PUDP: variants seen among roughly 807,000 people sequenced by gnomAD.
PUDP encodes the protein pseudouridine 5'-phosphatase.
In PUDP, 8 loss-of-function variants were observed where a neutral mutation model predicts 9.4. That is an observed-to-expected ratio of 0.85 (90% confidence interval 0.50 to 1.53). The LOEUF (loss-of-function observed/expected upper bound fraction) is 1.53. Ranked by LOEUF, PUDP falls within the 40% of genes most tolerant of loss-of-function variation. The pLI is 0.00. For synonymous variants in PUDP, 99 were observed against 80.7 expected, an observed-to-expected ratio of 1.23 and a Z score of -1.22; for missense variants, 188 against 189.7, an observed-to-expected ratio of 0.99 and a Z score of 0.05.
rs751332187 is a variant in PUDP at position 7,049,979 on chromosome X, T to C, written c.*317A>G. ...CCAAACTGATACACACATGTATATATGGAGGTGTGTGTGTATATACATGTA... is the reference window on the plus strand; with the variant it reads ...CCAAACTGATACACACATGTATATACGGAGGTGTGTGTGTATATACATGTA... On this transcript the variant is annotated 3_prime_UTR_variant, in exon 4 of 4. Coordinates refer to ENST00000381077, the MANE Select transcript of PUDP (RefSeq NM_012080.5). The C allele has an allele frequency of 4.3e-6, 1 of 232,993 alleles. No homozygotes were observed. The highest frequency in any genetic ancestry group is 7.7e-6 in the Non-Finnish European group (1 of 130,477). 19.2% of individuals were successfully genotyped at this position (232,993 alleles called of 1,213,427 possible).
chrX:6,753,114 T>G (rs987635819), intron 3 of PUDP, among the ~76,000 whole-genome samples: 6 of 111,052 alleles, frequency 5.4e-5, no homozygotes, highest in Non-Finnish European at 9.4e-5. Context: ...GTCTTTCATC[T>G]CTCACACCCT....
intron 3 of PUDP, among the ~76,000 whole-genome samples, chrX:6,808,162 TA>T (rs976735702): frequency 1.3e-4 from 14 of 107,931 alleles, no homozygotes; most frequent in Admixed American, 4.0e-4. Context: ...CTTCTTGTAT[TA>T]AAAAAAAAAT....
At chrX:6,776,119 T>C (rs1038139793) in intron 3 of PUDP, among the ~76,000 whole-genome samples, 2 of 111,810 alleles carry the variant, frequency 1.8e-5, no homozygotes, top group Non-Finnish European at 3.8e-5. Context: ...CACCAGCAAG[T>C]GTGGACAGCA....
Position 6,973,823 on chromosome X carries a change from T to C in PUDP, c.*247+3310A>G, listed in dbSNP as rs1242128044. Among the ~76,000 whole-genome samples, 3 of 111,416 alleles carry C rather than the reference T, an allele frequency of 2.7e-5. No homozygotes were observed. In the East Asian group the frequency reaches 8.5e-4, roughly 31 times the overall value. On this transcript the variant is annotated intron_variant and NMD_transcript_variant, in intron 3 of 3. Transcript: ENST00000655425. ...AGTGGGGTGTTAAAGTCTCCCACTA[T>C]TATTGTGTGGGAGTCTAAGTCTTTG...
At chrX:6,776,156 T>C (rs1925456578) in intron 3 of PUDP, among the ~76,000 whole-genome samples, 1 of 111,339 alleles carries the variant, frequency 9.0e-6, no homozygotes. Flanking sequence ...GACGGCCTTA[T>C]TCACACACTT....
intron 3 of PUDP, among the ~76,000 whole-genome samples, chrX:6,958,909 C>T (rs1928668310): frequency 8.9e-6 from 1 of 111,922 alleles, no homozygotes; most frequent in African/African-American, 3.2e-5. Flanking sequence ...TAAGGCAGAA[C>T]TTAAGACTGA....
At chrX:6,842,844 A>G (rs1926692686) in intron 3 of PUDP, among the ~76,000 whole-genome samples, 1 of 112,233 alleles carries the variant, frequency 8.9e-6, no homozygotes, top group Non-Finnish European at 1.9e-5. Flanking sequence ...TTTTAGTCTC[A>G]TTGGCTTCGG....
chrX:6,802,112 A>T (rs1380886258), intron 3 of PUDP, among the ~76,000 whole-genome samples: 1 of 112,249 alleles, frequency 8.9e-6, no homozygotes, highest in Non-Finnish European at 1.9e-5. Flanking sequence ...AATAGGAATT[A>T]GCCTGTGGTT....
Position 6,973,941 on chromosome X carries a change from C to A in PUDP, c.*247+3192G>T, listed in dbSNP as rs776193332. Among the ~76,000 whole-genome samples, 5 of 111,516 alleles carry A rather than the reference C, an allele frequency of 4.5e-5. 1 individual carries two copies. The East Asian group carries it at 1.4e-3, about 31-fold the overall frequency. ...GTTAGCTCTTCTTGTTGAATTGATC[C>A]CTTTATCATTATGTAATGCCCTTCT... On this transcript the variant is annotated intron_variant and NMD_transcript_variant, in intron 3 of 3. Coordinates refer to the PUDP transcript ENST00000655425.
At chrX:7,018,250 T>C (rs1295669311) in intron 1 of PUDP, among the ~76,000 whole-genome samples, 3 of 111,981 alleles carry the variant, frequency 2.7e-5, no homozygotes. Flanking sequence ...CTGAATTCTT[T>C]CTTGGCGAGA....
intron 3 of PUDP, among the ~76,000 whole-genome samples, chrX:6,772,634 A>AC (rs1925384259): frequency 9.1e-6 from 1 of 109,380 alleles, no homozygotes; most frequent in African/African-American, 3.3e-5. Flanking sequence ...GACAAGGAAA[A>AC]AAAAAAAAAA....
chrX:6,795,190 G>T, intron 3 of PUDP, among the ~76,000 whole-genome samples: 1 of 111,264 alleles, frequency 9.0e-6, no homozygotes, highest in East Asian at 2.8e-4. Context: ...CGTATATGTG[G>T]TCTGTCACTG....
chrX:6,711,649 CTT>C (rs1476780564), intron 1 of PUDP, among the ~76,000 whole-genome samples: 2 of 111,680 alleles, frequency 1.8e-5, no homozygotes, highest in African/African-American at 6.5e-5. Context: ...GAGGAAGAAA[CTT>C]TTCCTTCCGA....
intron 3 of PUDP, among the ~76,000 whole-genome samples, chrX:6,873,515 T>C (rs1374540158): frequency 1.8e-5 from 2 of 111,951 alleles, no homozygotes; most frequent in Non-Finnish European, 3.8e-5. Context: ...TATGTTAAAA[T>C]GGCTCATAGA....
intron 3 of PUDP, among the ~76,000 whole-genome samples, chrX:6,900,685 G>A (rs1927670185): frequency 9.2e-6 from 1 of 108,707 alleles, no homozygotes; most frequent in Admixed American, 1.0e-4. Flanking sequence ...TCGCTATGGC[G>A]TAAAAGGACT....
At chrX:7,131,235 G>A (rs1401954205) in intron 1 of PUDP, among the ~76,000 whole-genome samples, 2 of 111,888 alleles carry the variant, frequency 1.8e-5, no homozygotes, top group Non-Finnish European at 1.9e-5. Context: ...TCAGCTGAAC[G>A]GCCTCTGAAT....
chrX:6,963,938 T>C (rs188676880), intron 3 of PUDP, among the ~76,000 whole-genome samples: 264 of 112,008 alleles, frequency 2.4e-3, no homozygotes, highest in Non-Finnish European at 4.1e-3. Context: ...CTTCGGTGAG[T>C]GTTTGCCAGG....
chrX:6,987,960 A>G (rs1018924524), intron 1 of PUDP, among the ~76,000 whole-genome samples: 1 of 111,889 alleles, frequency 8.9e-6, no homozygotes, highest in Non-Finnish European at 1.9e-5. Context: ...TGAGGTTCTC[A>G]GGTGTTATTT....
At chrX:6,962,642 A>G (rs1405001406) in intron 3 of PUDP, among the ~76,000 whole-genome samples, 1 of 112,562 alleles carries the variant, frequency 8.9e-6, no homozygotes, top group Non-Finnish European at 1.9e-5. Flanking sequence ...GTGCAAAGAA[A>G]CATTTTGATT....
Sources: gnomAD v4.1 joint callset for allele counts (sites outside exome capture counted in the v4.1 genomes callset) on GRCh38, gnomAD v4.1.1 for gene constraint, MANE v1.5 for transcripts, NCBI Gene and HGNC (gene_info 2026-07-23, HGNC 2026-07-21) for gene names.